The following NLK variants were observed in gnomAD, a reference collection of about 807,000 sequenced individuals.
The protein encoded by NLK is serine/threonine-protein kinase NLK.
NLK carries 11 observed loss-of-function variants against 59.0 expected under a neutral mutation model. The observed-to-expected ratio is 0.19, with a 90% CI of 0.12 to 0.31. The LOEUF is 0.31. Among genes scored for constraint, NLK ranks in the 10% least tolerant of loss-of-function variants. NLK has a pLI of 1.00. For synonymous variants in NLK, 235 were observed against 235.9 expected (o/e 1.00, Z 0.03); for missense variants, 410 against 661.1 (o/e 0.62, Z 4.16).
chr17:28,113,245 A>G (rs1181609302), intron 1 of NLK, among the ~76,000 whole-genome samples: 5 of 152,222 alleles, frequency 3.3e-5, no homozygotes, highest in Non-Finnish European at 7.3e-5. Flanking sequence ...AGTGAGATAC[A>G]GGACATCACC....
chr17:28,086,437 A>C (rs1408395078), intron 1 of NLK, among the ~76,000 whole-genome samples: 1 of 152,094 alleles, frequency 6.6e-6, no homozygotes, highest in Admixed American at 6.5e-5. Context: ...GTTTCTGAGG[A>C]AGCGTGAGAG....
chr17:28,050,178 G>A (rs1909198694), intron 1 of NLK, among the ~76,000 whole-genome samples: 1 of 152,154 alleles, frequency 6.6e-6, no homozygotes, highest in Non-Finnish European at 1.5e-5. Context: ...AGGGCGTGTA[G>A]AGGAGGGATT....
chr17:28,068,480 T>C (rs1387517772), intron 1 of NLK, among the ~76,000 whole-genome samples: 1 of 152,176 alleles, frequency 6.6e-6, no homozygotes, highest in Admixed American at 6.5e-5. Flanking sequence ...TCTTGTGATA[T>C]AATTTTGTTG....
chr17:28,111,671 G>A (rs573700167), intron 1 of NLK, among the ~76,000 whole-genome samples: 6 of 152,166 alleles, frequency 3.9e-5, no homozygotes, highest in African/African-American at 1.2e-4. Context: ...TAAATGACAC[G>A]TGCAGACTTA....
chr17:28,116,923 TGTA>T (rs1451082420), intron 1 of NLK, among the ~76,000 whole-genome samples: 3 of 152,172 alleles, frequency 2.0e-5, no homozygotes, highest in Non-Finnish European at 2.9e-5. Flanking sequence ...AAGAGGGAGA[TGTA>T]GTTGTGAATT....
At chr17:28,191,270 C>A in intron 9 of NLK, 51 bp downstream of exon 9, 1 of 1,415,564 alleles carries the variant, frequency 7.1e-7, no homozygotes, top group African/African-American at 1.4e-5. Context: ...GTAACATTTT[C>A]CATTAGGTGG....
chr17:28,071,025 A>C (rs1212312115), intron 1 of NLK, among the ~76,000 whole-genome samples: 1 of 152,184 alleles, frequency 6.6e-6, no homozygotes, highest in Non-Finnish European at 1.5e-5. Context: ...TGGGCCTGAT[A>C]GTTCTTTGCT....
chr17:28,066,317 C>T (rs2142752116), intron 1 of NLK, among the ~76,000 whole-genome samples: 1 of 152,314 alleles, frequency 6.6e-6, no homozygotes, highest in Non-Finnish European at 1.5e-5. Context: ...TATTCACAGT[C>T]CACTGTGCAG....
At chr17:28,203,160 TACATACAC>T in the NLK span, among the ~76,000 whole-genome samples, 10 of 127,146 alleles carry the variant, frequency 7.9e-5, no homozygotes, top group African/African-American at 3.1e-4. Flanking sequence ...TGTATATACA[TACATACAC>T]ACACACACAC....
At chr17:28,157,908 A>T (rs1400058279) in intron 3 of NLK, among the ~76,000 whole-genome samples, 1 of 152,226 alleles carries the variant, frequency 6.6e-6, no homozygotes, top group East Asian at 1.9e-4. Flanking sequence ...ACATTCATTC[A>T]TCAAATATTT....
chr17:28,141,687 C>A (rs1906999205), intron 3 of NLK, among the ~76,000 whole-genome samples: 1 of 152,120 alleles, frequency 6.6e-6, no homozygotes, highest in African/African-American at 2.4e-5. Context: ...TGTTAATATT[C>A]ATTGTATTGG....
chr17:28,192,853 T>C (rs1364312870), intron 10 of NLK, among the ~76,000 whole-genome samples: 1 of 152,186 alleles, frequency 6.6e-6, no homozygotes, highest in Non-Finnish European at 1.5e-5. Context: ...CAGTTCCCAC[T>C]ACCATTCTCA....
intron 8 of NLK, among the ~76,000 whole-genome samples, chr17:28,186,612 C>T (rs2142070253): frequency 6.6e-6 from 1 of 150,566 alleles, no homozygotes; most frequent in South Asian, 2.1e-4. Flanking sequence ...TGAGGAGGAG[C>T]AAGTCATGTC....
At position 28,136,073 on chromosome 17, in the gene NLK, C is replaced by A. The variant is rs150734205; in HGVS notation, c.644+3398C>A. ...AGAATGTTTCTTTGAAATTTTCCTC[C>A]TCAAAATTGTTCGCAGATGTTTAAG... On this transcript the variant is annotated intron_variant, in intron 3 of 10. Coordinates refer to ENST00000407008, the MANE Select transcript of NLK (RefSeq NM_016231.5). Among the ~76,000 whole-genome samples the A allele has an allele frequency of 2.1e-4, 32 of 152,258 alleles. 1 individual carries two copies. In the East Asian group the frequency reaches 6.2e-3, roughly 29 times the overall value.
downstream of NLK, among the ~76,000 whole-genome samples, chr17:28,199,677 AAAAAAAACAAAACAAAAC>A (rs1459369125): frequency 3.0e-4 from 14 of 46,444 alleles, no homozygotes; most frequent in African/African-American, 1.3e-3. Context: ...AAAAAAAAAA[AAAAAAAACAAAACAAAAC>A]AAAAAAAAAA....
intron 1 of NLK, chr17:28,048,884 C>T (rs1359170422): frequency 6.6e-6 from 1 of 152,232 alleles, no homozygotes; most frequent in Non-Finnish European, 1.5e-5. Context: ...TTTCATTTGT[C>T]ATCCAACCAA....
At chr17:28,114,405 A>G (rs1008879016) in intron 1 of NLK, among the ~76,000 whole-genome samples, 1 of 152,188 alleles carries the variant, frequency 6.6e-6, no homozygotes, top group Non-Finnish European at 1.5e-5. Context: ...AACATTTGCT[A>G]TTGTTAGACT....
chr17:28,104,530 A>T (rs1905011059), intron 1 of NLK, among the ~76,000 whole-genome samples: 1 of 152,138 alleles, frequency 6.6e-6, no homozygotes, highest in Non-Finnish European at 1.5e-5. Flanking sequence ...CTGGGATTAC[A>T]GGCGTGAGCC....
At chr17:28,053,272 T>C (rs1299733070) in intron 1 of NLK, among the ~76,000 whole-genome samples, 1 of 152,220 alleles carries the variant, frequency 6.6e-6, no homozygotes, top group African/African-American at 2.4e-5. Flanking sequence ...GTCTGACTTG[T>C]GTCAGACTCA....
Sources: gnomAD v4.1 joint callset for allele counts (sites outside exome capture counted in the v4.1 genomes callset) on GRCh38, gnomAD v4.1.1 for gene constraint, MANE v1.5 for transcripts, NCBI Gene and HGNC (gene_info 2026-07-23, HGNC 2026-07-21) for gene names.